The following NDUFS4 variants were observed in gnomAD, a reference collection of about 807,000 sequenced individuals.
NDUFS4 encodes NADH:ubiquinone oxidoreductase subunit S4.
In NDUFS4, 28 loss-of-function variants were observed where a neutral mutation model predicts 24.3. The observed-to-expected ratio is 1.15, with a 90% CI of 0.85 to 1.58. NDUFS4 has a LOEUF of 1.58. Among genes scored for constraint, NDUFS4 ranks in the 40% most tolerant of loss-of-function variants. The pLI is 0.00. For synonymous variants in NDUFS4, 93 were observed against 69.7 expected, an observed-to-expected ratio of 1.34 and a Z score of -1.67; for missense variants, 223 against 207.9, an observed-to-expected ratio of 1.07 and a Z score of -0.45.
At chr5:53,636,090 C>T (rs190249071) in intron 2 of NDUFS4, among the ~76,000 whole-genome samples, 2 of 152,294 alleles carry the variant, frequency 1.3e-5, no homozygotes, top group Admixed American at 6.5e-5. Flanking sequence ...CACTGTGTGG[C>T]CCTGACTGGT....
intron 4 of NDUFS4, among the ~76,000 whole-genome samples, chr5:53,660,196 G>A (rs1213783771): frequency 7.4e-6 from 1 of 134,998 alleles, no homozygotes; most frequent in East Asian, 2.2e-4. Context: ...CCCTTCCTGT[G>A]TCCGTGTGTT....
At chr5:53,665,344 C>A (rs1280952564) in intron 4 of NDUFS4, among the ~76,000 whole-genome samples, 1 of 152,236 alleles carries the variant, frequency 6.6e-6, no homozygotes, top group Non-Finnish European at 1.5e-5. Flanking sequence ...AACCACTACT[C>A]TTCAAAGCTG....
intron 1 of NDUFS4, among the ~76,000 whole-genome samples, chr5:53,571,920 A>G (rs1439269255): frequency 6.6e-6 from 1 of 152,150 alleles, no homozygotes; most frequent in Non-Finnish European, 1.5e-5. Context: ...AATATTCTGG[A>G]TACAAATTCT....
At chr5:53,572,456 A>G (rs150329244) in intron 1 of NDUFS4, among the ~76,000 whole-genome samples, 56 of 152,244 alleles carry the variant, frequency 3.7e-4, no homozygotes, top group African/African-American at 1.2e-3. Context: ...CAGATGTGTA[A>G]TTTTCAAATA....
chr5:53,606,436 C>T (rs1017759283), intron 2 of NDUFS4, among the ~76,000 whole-genome samples: 7 of 152,084 alleles, frequency 4.6e-5, no homozygotes, highest in East Asian at 2.0e-4. Context: ...GGCGCGATCT[C>T]GGCTCACTGC....
At chr5:53,661,576 A>G (rs1296997410) in intron 4 of NDUFS4, among the ~76,000 whole-genome samples, 2 of 152,158 alleles carry the variant, frequency 1.3e-5, no homozygotes, top group Non-Finnish European at 2.9e-5. Flanking sequence ...CATTGAATCT[A>G]TAAGTTACCT....
chr5:53,617,162 A>G (rs1002591014), intron 2 of NDUFS4, among the ~76,000 whole-genome samples: 1 of 152,162 alleles, frequency 6.6e-6, no homozygotes, highest in Non-Finnish European at 1.5e-5. Flanking sequence ...AGCTTCAAAT[A>G]TATTTGAGTT....
intron 3 of NDUFS4, among the ~76,000 whole-genome samples, chr5:53,657,662 A>C (rs1011351823): frequency 2.6e-5 from 4 of 152,040 alleles, no homozygotes; most frequent in African/African-American, 9.7e-5. Flanking sequence ...CAGTGGCTCA[A>C]ACCTGTAATA....
intron 4 of NDUFS4, among the ~76,000 whole-genome samples, chr5:53,663,919 T>G (rs1237937596): frequency 6.6e-6 from 1 of 152,222 alleles, no homozygotes; most frequent in East Asian, 1.9e-4. Flanking sequence ...TGCAGTTTCT[T>G]CTTAGCCTCG....
At position 53,635,187 on chromosome 5, in the gene NDUFS4, T is replaced by TTAAA. The variant is rs59403372; in HGVS notation, c.178-11022_178-11019dup. On this transcript the variant is annotated intron_variant, in intron 2 of 4. Coordinates refer to ENST00000296684, the MANE Select transcript of NDUFS4 (RefSeq NM_002495.4). ...ACTGGGCAACAGAGCAAAAACTCTG[T>TTAAA]TAAATAAATAAATAAATAAATAAAT... Among the ~76,000 whole-genome samples the TTAAA allele has an allele frequency of 6.8e-3, 1,015 of 149,546 alleles. 7 individuals are homozygous for TTAAA. The highest frequency in any genetic ancestry group is 0.022 in the African/African-American group (871 of 40,190).
intron 1 of NDUFS4, among the ~76,000 whole-genome samples, chr5:53,571,517 TG>T (rs1363984543): frequency 1.3e-5 from 2 of 152,356 alleles, no homozygotes; most frequent in East Asian, 3.9e-4. Flanking sequence ...TGTCAACATA[TG>T]TTTTTATTGT....
At chr5:53,617,030 G>T (rs1249087897) in intron 2 of NDUFS4, among the ~76,000 whole-genome samples, 1 of 152,068 alleles carries the variant, frequency 6.6e-6, no homozygotes, top group Non-Finnish European at 1.5e-5. Context: ...ATTCTCCATA[G>T]CCCTTCTTTC....
chr5:53,576,673 G>A (rs1014244788), intron 1 of NDUFS4, among the ~76,000 whole-genome samples: 15 of 152,124 alleles, frequency 9.9e-5, no homozygotes, highest in African/African-American at 2.9e-4. Flanking sequence ...CTGCTGTATC[G>A]TATGAATATA....
chr5:53,616,191 T>A (rs1423085816), intron 2 of NDUFS4, among the ~76,000 whole-genome samples: 1 of 151,214 alleles, frequency 6.6e-6, no homozygotes, highest in Non-Finnish European at 1.5e-5. Context: ...ATGTAAAATA[T>A]TATTATCCTT....
At chr5:53,561,185 T>G (rs1311483383) in intron 1 of NDUFS4, among the ~76,000 whole-genome samples, 1 of 152,180 alleles carries the variant, frequency 6.6e-6, no homozygotes, top group Non-Finnish European at 1.5e-5. Flanking sequence ...ATCCCTTCCA[T>G]GGTTTTAAGT....
intron 2 of NDUFS4, among the ~76,000 whole-genome samples, chr5:53,632,509 T>C (rs1224268223): frequency 6.6e-6 from 1 of 152,226 alleles, no homozygotes; most frequent in African/African-American, 2.4e-5. Flanking sequence ...ACTCCTTTTT[T>C]GCTTAACTCC....
chr5:53,674,370 T>A (rs542861760), intron 4 of NDUFS4, among the ~76,000 whole-genome samples: 2 of 152,200 alleles, frequency 1.3e-5, no homozygotes, highest in Non-Finnish European at 2.9e-5. Flanking sequence ...GCCAGAGAAT[T>A]ATTTTATGGT....
chr5:53,656,636 A>G (rs1272378348), intron 3 of NDUFS4, among the ~76,000 whole-genome samples: 1 of 152,228 alleles, frequency 6.6e-6, no homozygotes, highest in Non-Finnish European at 1.5e-5. Flanking sequence ...GGGAGTAATT[A>G]AAAAGAAGGC....
In NDUFS4 at chr5:53,560,646, C is replaced by A; in HGVS notation, c.-17C>A. 1 of 1,614,204 alleles carries A rather than the reference C, an allele frequency of 6.2e-7. No homozygotes were observed. The highest frequency in any genetic ancestry group is 8.5e-7 in the Non-Finnish European group (1 of 1,180,032). On this transcript the variant is annotated 5_prime_UTR_variant, in exon 1 of 5. Coordinates refer to ENST00000296684, the MANE Select transcript of NDUFS4 (RefSeq NM_002495.4). The stretch of plus-strand genomic sequence containing the variant: ...GCGGTGATCCGTCCTTTCATCCTGG[C>A]GTTTGCCTGCAGCAAGATGGCGGCG...
Sources: allele counts gnomAD v4.1 joint callset (sites outside exome capture counted in the v4.1 genomes callset), GRCh38; gene constraint gnomAD v4.1.1; transcripts MANE v1.5; gene names NCBI Gene and HGNC (gene_info 2026-07-23, HGNC 2026-07-21).